The following ENTREP2 variants were observed in gnomAD, a reference collection of about 807,000 sequenced individuals.
ENTREP2 encodes the protein protein ENTREP2.
the ENTREP2 span, among the ~76,000 whole-genome samples, chr15:29,479,684 T>TACAC: frequency 1.3e-4 from 20 of 148,222 alleles, no homozygotes; most frequent in East Asian, 4.0e-4. Flanking sequence ...CACACATACA[T>TACAC]ACACACACAC....
At chr15:29,190,196 A>G in the ENTREP2 span, among the ~76,000 whole-genome samples, 1 of 151,990 alleles carries the variant, frequency 6.6e-6, no homozygotes, top group Non-Finnish European at 1.5e-5. Flanking sequence ...CCCAGGATGC[A>G]CCCTCCCTCT....
chr15:29,530,520 G>T, the ENTREP2 span, among the ~76,000 whole-genome samples: 1 of 152,066 alleles, frequency 6.6e-6, no homozygotes, highest in African/African-American at 2.4e-5. Context: ...TCGATCAAGC[G>T]AACTCCAACG....
chr15:29,143,312 A>C, the ENTREP2 span, among the ~76,000 whole-genome samples: 1 of 152,238 alleles, frequency 6.6e-6, no homozygotes, highest in Non-Finnish European at 1.5e-5. Flanking sequence ...CAATTGTGTA[A>C]GTTGTCAGCA....
chr15:29,359,164 G>T, the ENTREP2 span, among the ~76,000 whole-genome samples: 1 of 152,320 alleles, frequency 6.6e-6, no homozygotes, highest in East Asian at 1.9e-4. Context: ...GATCATGTAG[G>T]AAAAAGCTGT....
the ENTREP2 span, among the ~76,000 whole-genome samples, chr15:29,159,292 G>C: frequency 6.6e-6 from 1 of 152,124 alleles, no homozygotes; most frequent in Non-Finnish European, 1.5e-5. Flanking sequence ...CCTCCCGATA[G>C]GTTCGTGGTC....
chr15:29,399,757 C>T, the ENTREP2 span, among the ~76,000 whole-genome samples: 1 of 151,964 alleles, frequency 6.6e-6, no homozygotes, highest in Non-Finnish European at 1.5e-5. Flanking sequence ...TTTTGGATGT[C>T]GTATGTACTA....
At chr15:29,139,604 G>C in the ENTREP2 span, among the ~76,000 whole-genome samples, 94 of 152,362 alleles carry the variant, frequency 6.2e-4, no homozygotes, top group African/African-American at 2.3e-3. Context: ...AAGCATTTGA[G>C]GAGGGGCAGA....
the ENTREP2 span, among the ~76,000 whole-genome samples, chr15:29,303,041 G>A: frequency 0.029 from 4,438 of 152,056 alleles, 205 homozygotes; most frequent in African/African-American, 0.1. Flanking sequence ...GACTCAAAGG[G>A]GCCGCTTCTA....
the ENTREP2 span, chr15:29,570,827 G>C: frequency 2.8e-6 from 1 of 356,548 alleles, no homozygotes; most frequent in Non-Finnish European, 3.9e-6. Context: ...GTGCAGGGAC[G>C]GCCTCCCAGC....
the ENTREP2 span, among the ~76,000 whole-genome samples, chr15:29,324,427 T>G: frequency 6.6e-6 from 1 of 152,094 alleles, no homozygotes; most frequent in East Asian, 1.9e-4. Flanking sequence ...CAATAATCAC[T>G]TTAAAGTAAA....
the ENTREP2 span, among the ~76,000 whole-genome samples, chr15:29,167,072 G>T: frequency 6.6e-6 from 1 of 152,098 alleles, no homozygotes; most frequent in Non-Finnish European, 1.5e-5. Flanking sequence ...GTGGGGAAAG[G>T]ACACTCTTTT....
At chr15:29,453,462 G>C in the ENTREP2 span, among the ~76,000 whole-genome samples, 4 of 152,304 alleles carry the variant, frequency 2.6e-5, no homozygotes, top group South Asian at 4.1e-4. Context: ...AGGATTCTTC[G>C]CAGAGGTCTG....
chr15:29,149,955 CT>C, the ENTREP2 span, among the ~76,000 whole-genome samples: 1 of 152,224 alleles, frequency 6.6e-6, no homozygotes, highest in East Asian at 1.9e-4. Context: ...AACAGGGCTT[CT>C]GACGGCAGCC....
At chr15:29,536,558 A>G in the ENTREP2 span, among the ~76,000 whole-genome samples, 1 of 150,400 alleles carries the variant, frequency 6.6e-6, no homozygotes, top group Non-Finnish European at 1.5e-5. Context: ...GAGCTGAGAT[A>G]GTGCCACTGC....
chr15:29,572,781 T>C, the ENTREP2 span, among the ~76,000 whole-genome samples: 3 of 152,028 alleles, frequency 2.0e-5, no homozygotes, highest in African/African-American at 7.3e-5. Flanking sequence ...GTGGGAAGAC[T>C]GGCGGCACAC....
At chr15:29,430,924 G>A in the ENTREP2 span, among the ~76,000 whole-genome samples, 1 of 152,120 alleles carries the variant, frequency 6.6e-6, no homozygotes, top group African/African-American at 2.4e-5. Flanking sequence ...TACTGACACG[G>A]CTCCGGTGAG....
At chr15:29,305,073 G>C in the ENTREP2 span, among the ~76,000 whole-genome samples, 3 of 152,154 alleles carry the variant, frequency 2.0e-5, no homozygotes, top group South Asian at 4.1e-4. Context: ...GCTCCATGAG[G>C]GCTGAGATCT....
chr15:29,349,496 T>C, the ENTREP2 span, among the ~76,000 whole-genome samples: 1 of 152,158 alleles, frequency 6.6e-6, no homozygotes, highest in Non-Finnish European at 1.5e-5. Flanking sequence ...ACTAACAATA[T>C]AAATGATATT....
the ENTREP2 span, among the ~76,000 whole-genome samples, chr15:29,625,331 T>C: frequency 8.5e-5 from 13 of 152,218 alleles, no homozygotes; most frequent in Non-Finnish European, 1.9e-4. Flanking sequence ...GCTGTGAGTG[T>C]ACAAGTTTGT....
Sources: allele counts gnomAD v4.1 joint callset (sites outside exome capture counted in the v4.1 genomes callset), GRCh38; gene constraint gnomAD v4.1.1; transcripts MANE v1.5; gene names NCBI Gene and HGNC (gene_info 2026-07-23, HGNC 2026-07-21).